Variants in PCDHGB4 observed in about 807,000 individuals in gnomAD.
PCDHGB4 encodes protocadherin gamma-B4.
Under a neutral mutation model 60.5 loss-of-function variants are expected in PCDHGB4, and 38 were observed. The observed-to-expected ratio is 0.63, with a 90% CI of 0.48 to 0.82. The LOEUF is 0.82. Among genes scored for constraint, PCDHGB4 ranks in the 40% least tolerant of loss-of-function variants. The probability of loss-of-function intolerance (pLI) is 0.00; values close to 1 mark genes in which losing one functional copy is unlikely to be tolerated. For synonymous variants in PCDHGB4, 456 were observed against 509.7 expected (o/e 0.89, Z 1.42); for missense variants, 1,109 against 1,209.6 (o/e 0.92, Z 1.23).
At chr5:141,478,526 G>A (rs1402123535) in intron 1 of PCDHGB4, 1 of 1,609,906 alleles carries the variant, frequency 6.2e-7, no homozygotes, top group Admixed American at 1.7e-5. Context: ...GTTGGGTGCA[G>A]AGAGCGCCCC....
At position 141,390,010 on chromosome 5, in the gene PCDHGB4, T is replaced by C; in HGVS notation, c.2126T>C (p.Ile709Thr). The stretch of plus-strand genomic sequence containing the variant: ...TTCCTCGTGGCCATGATTCTGGCCA[T>C]TGCCTTGCGCCTGCGACGCTCCTCC... ...VLFLVAMILAIALRLRRSSSP... is the reference protein window; with the variant it reads ...VLFLVAMILATALRLRRSSSP... The change falls in exon 1 of 4, where the codon ATT becomes ACT. Residue 709 changes from isoleucine (I) to threonine (T), a missense_variant. Coordinates refer to ENST00000519479, the MANE Select transcript of PCDHGB4 (RefSeq NM_003736.4). The C allele has an allele frequency of 6.2e-7, 1 of 1,614,044 alleles. No individual in the cohort carries two copies. Among genetic ancestry groups the C allele is most frequent in the East Asian group, 2.2e-5 (1 of 44,882 alleles).
intron 1 of PCDHGB4, chr5:141,424,304 C>T (rs909355692): frequency 2.0e-5 from 3 of 152,464 alleles, no homozygotes; most frequent in Admixed American, 2.0e-4. Flanking sequence ...CCTATCAACA[C>T]AGACATATTG....
intron 1 of PCDHGB4, chr5:141,427,785 TC>T: frequency 6.8e-7 from 1 of 1,470,156 alleles, no homozygotes; most frequent in Non-Finnish European, 9.4e-7. Flanking sequence ...GGCACTGTCG[TC>T]CTACGTGTCC....
chr5:141,403,707 T>C (rs2094445205), intron 1 of PCDHGB4: 2 of 1,613,778 alleles, frequency 1.2e-6, no homozygotes, highest in African/African-American at 2.7e-5. Flanking sequence ...GTTAAAGTCC[T>C]TGAGAACGTG....
intron 1 of PCDHGB4, chr5:141,410,263 A>G (rs532833925): frequency 1.4e-5 from 22 of 1,613,876 alleles, no homozygotes; most frequent in African/African-American, 2.7e-5. Flanking sequence ...CCCAGGCTGA[A>G]CTGCAGTTTT....
intron 1 of PCDHGB4, chr5:141,410,485 A>C (rs1277289074): frequency 6.2e-7 from 1 of 1,613,898 alleles, no homozygotes; most frequent in Admixed American, 1.7e-5. Context: ...ATACGGGTAC[A>C]AAAGAGTTTA....
chr5:141,450,823 A>ATT (rs1453980247), intron 1 of PCDHGB4, among the ~76,000 whole-genome samples: 2 of 133,076 alleles, frequency 1.5e-5, no homozygotes, highest in East Asian at 2.2e-4. Flanking sequence ...TAATATTATT[A>ATT]TTATTATTTT....
At chr5:141,457,522 G>A (rs1200640017) in intron 1 of PCDHGB4, among the ~76,000 whole-genome samples, 1 of 152,188 alleles carries the variant, frequency 6.6e-6, no homozygotes, top group Non-Finnish European at 1.5e-5. Flanking sequence ...AACAATTAAT[G>A]AGACTAGGGT....
chr5:141,418,759 C>T (rs527475797), intron 1 of PCDHGB4: 17 of 1,613,898 alleles, frequency 1.1e-5, no homozygotes, highest in Non-Finnish European at 1.4e-5. Flanking sequence ...CTACAGGAAA[C>T]ATTCTAACTC....
intron 1 of PCDHGB4, chr5:141,395,096 C>G (rs769366827): frequency 5.6e-6 from 9 of 1,614,186 alleles, no homozygotes; most frequent in Middle Eastern, 1.6e-4. Flanking sequence ...CCCTCACCGC[C>G]GACTCGCGGA....
At chr5:141,448,921 G>A (rs1323304761) in intron 1 of PCDHGB4, among the ~76,000 whole-genome samples, 3 of 152,120 alleles carry the variant, frequency 2.0e-5, no homozygotes, top group Admixed American at 1.3e-4. Flanking sequence ...CTCCAGCCTG[G>A]GCGACAGAGC....
intron 2 of PCDHGB4, among the ~76,000 whole-genome samples, chr5:141,499,884 C>T (rs917762715): frequency 2.0e-5 from 3 of 152,014 alleles, no homozygotes; most frequent in Admixed American, 6.5e-5. Flanking sequence ...AACAGGGTTT[C>T]GCCATGTTGG....
At position 141,511,575 on chromosome 5, in the gene PCDHGB4, T is replaced by C. The variant is rs930675653; in HGVS notation, c.*402T>C. On this transcript the variant is annotated 3_prime_UTR_variant, in exon 4 of 4. Transcript: ENST00000519479. ...AGTTCCTCTTTCCCGAGTAAGGTGG[T>C]TGGGGTGTTGAAGTACCAAGTAACC... 28 of 287,258 alleles carry C rather than the reference T, an allele frequency of 9.7e-5. No individual in the cohort carries two copies. Among genetic ancestry groups the C allele is most frequent in the Middle Eastern group, 1.3e-3 (1 of 784 alleles). The allele number at this position is 287,258 out of a possible 1,614,324, so 17.8% of individuals were successfully genotyped here.
intron 1 of PCDHGB4, among the ~76,000 whole-genome samples, chr5:141,407,339 T>C (rs958646781): frequency 3.3e-5 from 5 of 152,222 alleles, no homozygotes; most frequent in Non-Finnish European, 7.3e-5. Context: ...TTGAAATGTA[T>C]GTTAATTTGG....
At position 141,431,423 on chromosome 5, in the gene PCDHGB4, C is replaced by T; in HGVS notation, c.2397+41142C>T. The T allele has an allele frequency of 3.1e-6, 5 of 1,613,670 alleles. No individual in the cohort carries two copies. Among genetic ancestry groups the T allele is most frequent in the Non-Finnish European group, 4.2e-6 (5 of 1,180,030 alleles). ...GGCCTCCGACGGGGGCGACCCGGTG[C>T]GCACAGGCACCGCGCGCATCCGCGT... On this transcript the variant is annotated intron_variant, in intron 1 of 3. Coordinates refer to ENST00000519479, the MANE Select transcript of PCDHGB4 (RefSeq NM_003736.4). This position sits in a 1 kb window ranked among gnomAD's most constrained non-coding sequence, Gnocchi z 4.8.
At position 141,390,239 on chromosome 5, in the gene PCDHGB4, C is replaced by T. The variant is rs769717528; in HGVS notation, c.2355C>T (p.Ala785=). The change falls in exon 1 of 4, where the codon GCC becomes GCT. Residue 785 remains alanine, a synonymous_variant. Transcript: ENST00000519479. ...TACTTTGCGGTGATTCATCTGGGGC[C>T]TTATTTCCACTTTGTAATTCCAGTG... The part of the protein sequence containing the change: ...QDILCGDSSG[A]LFPLCNSSEL... The T allele has an allele frequency of 6.2e-7, 1 of 1,614,022 alleles. No individual in the cohort carries two copies. The highest frequency in any genetic ancestry group is 1.7e-5 in the Admixed American group (1 of 60,022).
rs745612756 is a variant in PCDHGB4 at position 141,487,150 on chromosome 5, T to C, written c.2398-7657T>C. The C allele has an allele frequency of 1.1e-5, 17 of 1,613,960 alleles. No individual in the cohort carries two copies. In the South Asian group the frequency reaches 1.6e-4, roughly 16 times the overall value. On this transcript the variant is annotated intron_variant, in intron 1 of 3. Transcript: ENST00000519479. This position sits in a 1 kb window ranked among gnomAD's most constrained non-coding sequence, Gnocchi z 5.0. The stretch of plus-strand genomic sequence containing the variant: ...GTAGTCCACCACTCTCTACCTCTGT[T>C]ACTCTCTTAGTGTCCTTAGAGGAAG...
intron 1 of PCDHGB4, chr5:141,478,121 G>A (rs1393103666): frequency 1.2e-6 from 2 of 1,613,918 alleles, no homozygotes; most frequent in South Asian, 1.1e-5. Flanking sequence ...AGTAACCGAG[G>A]ACTCTCCTGA....
intron 1 of PCDHGB4, among the ~76,000 whole-genome samples, chr5:141,460,703 G>A (rs1009662968): frequency 6.6e-6 from 1 of 151,534 alleles, no homozygotes; most frequent in Non-Finnish European, 1.5e-5. Flanking sequence ...AGTTGAATGA[G>A]AATAAACTAT....
Sources: gnomAD v4.1 joint callset for allele counts (sites outside exome capture counted in the v4.1 genomes callset) on GRCh38, gnomAD v4.1.1 for gene constraint, Gnocchi (gnomAD v3.1) non-coding constraint, MANE v1.5 for transcripts, NCBI Gene and HGNC (gene_info 2026-07-23, HGNC 2026-07-21) for gene names.